The following SMAP2 variants were observed in gnomAD, a reference collection of about 807,000 sequenced individuals.
SMAP2 encodes the protein stromal membrane-associated protein 2.
In SMAP2, 25 loss-of-function variants were observed where a neutral mutation model predicts 56.4. The ratio of observed to expected loss-of-function variants is 0.44; its 90% CI spans 0.32 to 0.62. The LOEUF is 0.62. SMAP2 is among the 20% of genes least tolerant of loss of function. The pLI is 0.04. For missense variants in SMAP2, 388 were observed against 545.6 expected (o/e 0.71, Z 2.88); for synonymous variants, 157 against 181.7 (o/e 0.86, Z 1.09).
Position 40,415,360 on chromosome 1 carries a change from T to G in SMAP2, c.660T>G (p.Pro220=). ...DLDLLASVPS[P]SSSGSRKVVG... is the part of the protein sequence containing the mutation. ...ATCTGTTGGCCTCTGTTCCATCCCCTTCTTCTTCCGGTTCCAGAAAGGTGA... is the reference window on the plus strand; with the variant it reads ...ATCTGTTGGCCTCTGTTCCATCCCCGTCTTCTTCCGGTTCCAGAAAGGTGA... The change falls in exon 7 of 10, where the codon CCT becomes CCG. Residue 220 remains proline (P), a synonymous_variant. Transcript: ENST00000372718. 6.2e-7 allele frequency: 1 copy of G among 1,612,138 alleles called. No individual in the cohort carries two copies. The highest frequency in any genetic ancestry group is 1.1e-5 in the South Asian group (1 of 91,010).
intron 3 of SMAP2, 146 bp from the exon 4 acceptor site, chr1:40,409,611 A>G: frequency 1.6e-6 from 1 of 610,228 alleles, no homozygotes; most frequent in South Asian, 2.0e-5. Context: ...TTGGTCAGAG[A>G]AATTGCATAT....
upstream of SMAP2, among the ~76,000 whole-genome samples, chr1:40,369,361 G>C (rs1242300795): frequency 5.1e-5 from 7 of 137,220 alleles, no homozygotes; most frequent in Non-Finnish European, 1.1e-4. Context: ...CTACTTTAAA[G>C]TTCATATGGA....
Position 40,374,593 on chromosome 1 carries a change from G to T in SMAP2, c.103+370G>T. ...TGAACTGCATTGCGTGCGTGCGTGC[G>T]TGCGTGTGTGTGTGTGTGTGTGTGT... On this transcript the variant is annotated intron_variant, in intron 1 of 9. Coordinates refer to ENST00000372718, the MANE Select transcript of SMAP2 (RefSeq NM_022733.3). This position sits in a 1 kb window ranked among gnomAD's most constrained non-coding sequence, Gnocchi z 5.9. The T allele has an allele frequency of 7.6e-7, 1 of 1,320,408 alleles. No individual in the cohort carries two copies. Among genetic ancestry groups the T allele is most frequent in the Non-Finnish European group, 1.0e-6 (1 of 969,130 alleles). The allele number at this position is 1,320,408 out of a possible 1,614,324, so 81.8% of individuals were successfully genotyped here.
intron 1 of SMAP2, among the ~76,000 whole-genome samples, chr1:40,406,231 T>C (rs1318792259): frequency 6.6e-6 from 1 of 152,208 alleles, no homozygotes; most frequent in East Asian, 1.9e-4. Flanking sequence ...TTTGCACTCC[T>C]GGGATTTTTC....
chr1:40,371,306 G>C (rs1191586729), upstream of SMAP2, among the ~76,000 whole-genome samples: 1 of 152,142 alleles, frequency 6.6e-6, no homozygotes, highest in African/African-American at 2.4e-5. Context: ...ATGTGTACTT[G>C]GGAGGAGCAG....
upstream of SMAP2, among the ~76,000 whole-genome samples, chr1:40,373,278 A>G (rs990970954): frequency 2.0e-5 from 3 of 152,094 alleles, no homozygotes; most frequent in Admixed American, 1.3e-4. Context: ...ACGTTCCTAT[A>G]TCCTGGGTTA....
chr1:40,389,776 T>C (rs1366208993), intron 1 of SMAP2, among the ~76,000 whole-genome samples: 1 of 152,200 alleles, frequency 6.6e-6, no homozygotes, highest in Non-Finnish European at 1.5e-5. Flanking sequence ...AGTAAATATT[T>C]AGACGTGGTT....
At chr1:40,393,406 G>A in intron 1 of SMAP2, 4 of 1,535,632 alleles carry the variant, frequency 2.6e-6, no homozygotes, top group African/African-American at 1.4e-5. Flanking sequence ...ATAGGAAGGA[G>A]AAAAGGCTTC....
intron 2 of SMAP2, among the ~76,000 whole-genome samples, chr1:40,366,123 G>T (rs1468842959): frequency 6.6e-6 from 1 of 151,478 alleles, no homozygotes; most frequent in African/African-American, 2.4e-5. Flanking sequence ...TGAAATGAAT[G>T]AAATGAAGCG....
At chr1:40,397,287 G>C (rs1644781354) in intron 1 of SMAP2, among the ~76,000 whole-genome samples, 1 of 152,068 alleles carries the variant, frequency 6.6e-6, no homozygotes, top group African/African-American at 2.4e-5. Context: ...CACCACATGG[G>C]GATCATTTCT....
chr1:40,345,565 A>G (rs1488030641), intron 1 of SMAP2, among the ~76,000 whole-genome samples: 1 of 151,822 alleles, frequency 6.6e-6, no homozygotes, highest in Non-Finnish European at 1.5e-5. Context: ...GGGCTCAAGC[A>G]ATCCTCCTAC....
chr1:40,357,240 A>G (rs1474473212), intron 1 of SMAP2, among the ~76,000 whole-genome samples: 1 of 152,018 alleles, frequency 6.6e-6, no homozygotes, highest in Non-Finnish European at 1.5e-5. Flanking sequence ...GGATCACCTG[A>G]GGTCAGGAGT....
At position 40,408,910 on chromosome 1, in the gene SMAP2, A is replaced by C. The variant is rs894465383; in HGVS notation, c.323+172A>C. ...TGCACAAAAAGCACATGTATTTGTGAATGTCGGAATTGTCATACGGTGTCA... is the reference window on the plus strand; with the variant it reads ...TGCACAAAAAGCACATGTATTTGTGCATGTCGGAATTGTCATACGGTGTCA... On this transcript the variant is annotated intron_variant, in intron 3 of 9. Coordinates refer to ENST00000372718, the MANE Select transcript of SMAP2 (RefSeq NM_022733.3). This position sits in a 1 kb window ranked among gnomAD's most constrained non-coding sequence, Gnocchi z 4.3. Among the ~76,000 whole-genome samples the C allele has an allele frequency of 6.6e-6, 1 of 152,166 alleles. No homozygotes were observed. Among genetic ancestry groups the C allele is most frequent in the African/African-American group, 2.4e-5 (1 of 41,436 alleles).
At chr1:40,356,525 C>T (rs190859349) in intron 1 of SMAP2, among the ~76,000 whole-genome samples, 39 of 152,116 alleles carry the variant, frequency 2.6e-4, no homozygotes, top group Middle Eastern at 3.4e-3. Context: ...ATTCTCCTGC[C>T]TCAGCCTCCT....
chr1:40,404,186 T>C (rs1402189322), intron 1 of SMAP2, among the ~76,000 whole-genome samples: 1 of 152,234 alleles, frequency 6.6e-6, no homozygotes, highest in African/African-American at 2.4e-5. Flanking sequence ...TATTTTTCTT[T>C]TCTCTAATTT....
intron 1 of SMAP2, among the ~76,000 whole-genome samples, chr1:40,388,682 A>T (rs1264253571): frequency 2.6e-5 from 4 of 152,174 alleles, no homozygotes; most frequent in Non-Finnish European, 5.9e-5. Flanking sequence ...AATCAGCAGG[A>T]TGTGATTGGA....
At chr1:40,360,457 C>T (rs887930961) in intron 1 of SMAP2, among the ~76,000 whole-genome samples, 2 of 151,998 alleles carry the variant, frequency 1.3e-5, no homozygotes, top group Non-Finnish European at 2.9e-5. Flanking sequence ...TACCCACTAC[C>T]ACGCCTGGCT....
chr1:40,408,621 G>T lies in SMAP2; in HGVS notation c.238-32G>T. The T allele has an allele frequency of 6.3e-7, 1 of 1,584,810 alleles. No homozygotes were observed. Among genetic ancestry groups the T allele is most frequent in the Non-Finnish European group, 8.7e-7 (1 of 1,153,688 alleles). On this transcript the variant is annotated intron_variant, in intron 2 of 9. Transcript: ENST00000372718. This position sits in a 1 kb window ranked among gnomAD's most constrained non-coding sequence, Gnocchi z 4.3. ...TTTTTCAGTTCTTTCTTGATCTGACGTTCCATGTTTCTACATTCTCTTTGG... is the reference window on the plus strand; with the variant it reads ...TTTTTCAGTTCTTTCTTGATCTGACTTTCCATGTTTCTACATTCTCTTTGG...
intron 1 of SMAP2, among the ~76,000 whole-genome samples, chr1:40,393,144 G>A (rs2124281796): frequency 6.6e-6 from 1 of 151,428 alleles, no homozygotes; most frequent in African/African-American, 2.4e-5. Context: ...TTTTATTGTT[G>A]TTGTTACCTA....
Sources: allele counts gnomAD v4.1 joint callset (sites outside exome capture counted in the v4.1 genomes callset), GRCh38; gene constraint gnomAD v4.1.1; non-coding constraint Gnocchi (gnomAD v3.1); transcripts MANE v1.5; gene names NCBI Gene and HGNC (gene_info 2026-07-23, HGNC 2026-07-21).